PSMD13: variants seen among roughly 807,000 people sequenced by gnomAD.
PSMD13 encodes 26S proteasome non-ATPase regulatory subunit 13.
In PSMD13, 8 loss-of-function variants were observed where a neutral mutation model predicts 57.4. That is an observed-to-expected ratio of 0.14 (90% confidence interval 0.08 to 0.25). The LOEUF is 0.25. PSMD13 is among the 10% of genes least tolerant of loss of function. The pLI is 1.00. For missense variants in PSMD13, 400 were observed against 461.5 expected, an observed-to-expected ratio of 0.87 and a Z score of 1.22; for synonymous variants, 193 against 168.2, an observed-to-expected ratio of 1.15 and a Z score of -1.14.
chr11:252,058 G>C lies in PSMD13; in HGVS notation c.1035+122G>C. 1 of 941,412 alleles carries C rather than the reference G, an allele frequency of 1.1e-6. No homozygotes were observed. The highest frequency in any genetic ancestry group is 2.2e-4 in the Middle Eastern group (1 of 4,484). 58.3% of individuals were successfully genotyped at this position (941,412 alleles called of 1,614,324 possible). A position where few individuals can be genotyped will look rare whatever the true frequency, so the allele number is the denominator to read the frequency against. ...CAGCATTATTAGACAAGAGGTTTTG[G>C]AGAAGGAAATACTGCTGTTGGGTTT... On this transcript the variant is annotated intron_variant, in intron 12 of 12. Transcript: ENST00000532097. The surrounding 1 kb of genome is among the most constrained non-coding windows in gnomAD (Gnocchi z 4.1).
intron 1 of PSMD13, among the ~76,000 whole-genome samples, chr11:237,719 A>G (rs192630557): frequency 6.6e-6 from 1 of 152,140 alleles, no homozygotes; most frequent in Non-Finnish European, 1.5e-5. Flanking sequence ...TTTACCTTCC[A>G]TTGTATTTCT....
chr11:237,226 A>G, intron 1 of PSMD13, 82 bp downstream of exon 1: 2 of 1,364,234 alleles, frequency 1.5e-6, no homozygotes, highest in Non-Finnish European at 2.0e-6. Flanking sequence ...CGGACCCTTG[A>G]TGGGCTGAGG....
Position 245,265 on chromosome 11 carries a change from C to T in PSMD13, c.396+504C>T, listed in dbSNP as rs186774755. On this transcript the variant is annotated intron_variant, in intron 6 of 12. Transcript: ENST00000532097. ...GCCCCCCCGATTGCTAACCTTTTAC[C>T]GCTTTTGCCTTTGTGTGTGTCTGTA... Among the ~76,000 whole-genome samples, 215 of 152,290 alleles carry T rather than the reference C, an allele frequency of 1.4e-3. 1 individual carries two copies. The highest frequency in any genetic ancestry group is 4.9e-3 in the African/African-American group (202 of 41,574).
intron 2 of PSMD13, chr11:243,310 A>G (rs1859556951): frequency 2.5e-6 from 1 of 395,198 alleles, no homozygotes; most frequent in Non-Finnish European, 5.1e-6. Context: ...GAACATCACG[A>G]TTCCATTCTC....
At chr11:244,874 C>T in intron 6 of PSMD13, 113 bp downstream of exon 6, 1 of 870,240 alleles carries the variant, frequency 1.1e-6, no homozygotes, top group Non-Finnish European at 1.7e-6. Flanking sequence ...TTTTACATTA[C>T]AGAAAAGTTG....
At chr11:250,040 A>G (rs1346484277) in intron 9 of PSMD13, among the ~76,000 whole-genome samples, 1 of 128,740 alleles carries the variant, frequency 7.8e-6, no homozygotes, top group African/African-American at 3.0e-5. Flanking sequence ...ATTTAAAGAA[A>G]AAAAAAAAAT....
chr11:251,562 C>A lies in PSMD13; in HGVS notation c.854C>A (p.Pro285His). 1 of 1,613,630 alleles carries A rather than the reference C, an allele frequency of 6.2e-7. No individual in the cohort carries two copies. ...TTTTTCCAGATGACTTTCACACGAC[C>A]TGCCAATCACAGACAACTCACTTTT... ...LCLMEMTFTR[P>H]ANHRQLTFEE... Residue 285 changes from proline to histidine, a missense_variant, in exon 11 of 13, where the codon CCT becomes CAT. Pro to His is a moderately conservative substitution (Grantham distance 77). Transcript: ENST00000532097. The surrounding 1 kb of genome is among the most constrained non-coding windows in gnomAD (Gnocchi z 4.6).
Position 251,877 on chromosome 11 carries a change from G to A in PSMD13, c.976G>A (p.Glu326Lys). The change falls in exon 12 of 13, where the codon GAG becomes AAG. Residue 326 changes from glutamate to lysine, a missense_variant. By Grantham distance (56) the Glu-to-Lys change is moderately conservative. Coordinates refer to ENST00000532097, the MANE Select transcript of PSMD13 (RefSeq NM_002817.4). The surrounding 1 kb of genome is among the most constrained non-coding windows in gnomAD (Gnocchi z 4.6). Reference protein sequence around the residue: ...SVGLVKGSIDEVDKRVHMTWV... With the variant: ...SVGLVKGSIDKVDKRVHMTWV... ...GGGGCTGGTGAAAGGCAGTATAGAC[G>A]AGGTGGACAAACGAGTCCACATGAC... 1.2e-6 allele frequency: 2 copies of A among 1,614,222 alleles called. No homozygotes were observed. The highest frequency in any genetic ancestry group is 1.7e-6 in the Non-Finnish European group (2 of 1,180,036).
chr11:237,087 A>G lies in PSMD13; in HGVS notation c.38A>G (p.Asn13Ser), dbSNP rs1045288. The change falls in exon 1 of 13, where the codon AAC becomes AGC. Residue 13 changes from asparagine to serine, a missense_variant. Asn to Ser is a conservative substitution (Grantham distance 46). Transcript: ENST00000532097. The stretch of plus-strand genomic sequence containing the variant: ...CCGGGCTTCCTACAGCAGAGCCAGA[A>G]CTCCGGGCCCGGGCAGCCCGCTGTG... ...DVPGFLQQSQ[N>S]SGPGQPAVWH... is the part of the protein sequence containing the mutation. 0.77 allele frequency: 1,235,262 copies of G among 1,613,486 alleles called. 474,032 individuals are homozygous for G. The highest frequency in any genetic ancestry group is 0.89 in the African/African-American group (66,479 of 75,040).
chr11:248,996 A>G lies in PSMD13; in HGVS notation c.713A>G (p.Tyr238Cys), dbSNP rs757745861. 12 of 1,613,946 alleles carry G rather than the reference A, an allele frequency of 7.4e-6. No individual in the cohort carries two copies. Among genetic ancestry groups the G allele is most frequent in the East Asian group, 2.2e-5 (1 of 44,898 alleles). Residue 238 changes from tyrosine to cysteine, a missense_variant, in exon 9 of 13, where the codon TAT (tyrosine) becomes TGT (cysteine). Transcript: ENST00000532097. Reference protein sequence around the residue: ...TDRQWLIDTLYAFNSGNVERF... With the variant: ...TDRQWLIDTLCAFNSGNVERF... ...CGGCAGTGGCTGATTGACACCCTCT[A>G]TGCCTTCAACAGTGGCAACGTAGAG...
At chr11:237,285 G>C (rs1859302095) in intron 1 of PSMD13, 141 bp downstream of exon 1, 2 of 767,046 alleles carry the variant, frequency 2.6e-6, no homozygotes, top group African/African-American at 1.8e-5. Flanking sequence ...GCGACCGGCT[G>C]TGCCGGCAAG....
At chr11:246,695 C>T (rs1859655456) in intron 6 of PSMD13, among the ~76,000 whole-genome samples, 1 of 152,176 alleles carries the variant, frequency 6.6e-6, no homozygotes, top group African/African-American at 2.4e-5. Flanking sequence ...ACTCTGGAAG[C>T]TCCATGTCTT....
In PSMD13 at chr11:252,683, C is replaced by A; in HGVS notation, c.*83C>A. 6 of 1,326,180 alleles carry A rather than the reference C, an allele frequency of 4.5e-6. No individual in the cohort carries two copies. The South Asian group carries it at 4.8e-5, about 11-fold the overall frequency. 82.2% of individuals were successfully genotyped at this position (1,326,180 alleles called of 1,614,324 possible). A position where few individuals can be genotyped will look rare whatever the true frequency, so the allele number is the denominator to read the frequency against. ...CAATGAAGCTGGCTGCTCAGACGGT[C>A]GACATTGAATTTGGGTGGGGGTTGG... On this transcript the variant is annotated 3_prime_UTR_variant, in exon 13 of 13. Coordinates refer to ENST00000532097, the MANE Select transcript of PSMD13 (RefSeq NM_002817.4). The surrounding 1 kb of genome is among the most constrained non-coding windows in gnomAD (Gnocchi z 4.1).
Position 247,456 on chromosome 11 carries a change from A to G in PSMD13, c.568+8A>G. 6.2e-7 allele frequency: 1 copy of G among 1,611,848 alleles called. No homozygotes were observed. The highest frequency in any genetic ancestry group is 8.5e-7 in the Non-Finnish European group (1 of 1,179,064). On this transcript the variant is annotated splice_region_variant and intron_variant, in intron 7 of 12. Transcript: ENST00000532097. The stretch of plus-strand genomic sequence containing the variant: ...ACATCAAGGATCTACCAGGTAACCT[A>G]GGCCATTAAATCCATGTCACACAGG...
chr11:249,071 G>T lies in PSMD13; in HGVS notation c.774+14G>T, dbSNP rs376215041. On this transcript the variant is annotated intron_variant, in intron 9 of 12. Transcript: ENST00000532097. ...TGGGGCCAGCAGGTAGGACTCCCAC[G>T]ATGCCCAGCCCTTATTCCCCCATGT... 8.7e-6 allele frequency: 14 copies of T among 1,609,722 alleles called. No individual in the cohort carries two copies. The South Asian group carries it at 1.3e-4, about 15-fold the overall frequency.
Position 252,420 on chromosome 11 carries a change from G to C in PSMD13, c.1036-85G>C. ...CTAGAGAGTTAGCTGGAGATGTAGA[G>C]TCACCCCATCAGGTGCTGTGCCGGC... On this transcript the variant is annotated intron_variant, in intron 12 of 12. Transcript: ENST00000532097. This position sits in a 1 kb window ranked among gnomAD's most constrained non-coding sequence, Gnocchi z 4.1. The C allele has an allele frequency of 7.9e-7, 1 of 1,258,858 alleles. No homozygotes were observed. Among genetic ancestry groups the C allele is most frequent in the Non-Finnish European group, 1.2e-6 (1 of 860,860 alleles). 78.0% of individuals were successfully genotyped at this position (1,258,858 alleles called of 1,614,324 possible). A position where few individuals can be genotyped will look rare whatever the true frequency, so the allele number is the denominator to read the frequency against.
At chr11:238,934 C>A in intron 1 of PSMD13, 64 bp from the exon 2 acceptor site, 2 of 1,418,412 alleles carry the variant, frequency 1.4e-6, no homozygotes, top group Non-Finnish European at 2.0e-6. Flanking sequence ...ATAGAATCAT[C>A]AAGGCTGGAG....
Position 251,672 on chromosome 11 carries a change from T to C in PSMD13, c.918+46T>C. On this transcript the variant is annotated intron_variant, in intron 11 of 12. Transcript: ENST00000532097. This position sits in a 1 kb window ranked among gnomAD's most constrained non-coding sequence, Gnocchi z 4.6. ...GTGTTAGAGCAGCAAAGCTGCCACA[T>C]GGAGGAGTCAAGGCTCTTGTGTGAG... is the stretch of plus-strand genomic sequence containing the variant. 6.3e-6 allele frequency: 10 copies of C among 1,575,990 alleles called. No homozygotes were observed. The highest frequency in any genetic ancestry group is 7.0e-6 in the Non-Finnish European group (8 of 1,147,468).
At chr11:244,637 C>T in intron 5 of PSMD13, 38 bp from the exon 6 acceptor site, 1 of 1,582,158 alleles carries the variant, frequency 6.3e-7, no homozygotes, top group Non-Finnish European at 8.7e-7. Flanking sequence ...CAACTGCCCA[C>T]ATTCTGAGGT....
Sources: gnomAD v4.1 joint callset for allele counts (sites outside exome capture counted in the v4.1 genomes callset) on GRCh38, gnomAD v4.1.1 for gene constraint, Gnocchi (gnomAD v3.1) non-coding constraint, MANE v1.5 for transcripts, NCBI Gene and HGNC (gene_info 2026-07-23, HGNC 2026-07-21) for gene names.